The following ANXA4 variants were observed in gnomAD, a reference collection of about 807,000 sequenced individuals.
ANXA4 encodes the protein annexin A4.
Under a neutral mutation model 49.8 loss-of-function variants are expected in ANXA4, and 39 were observed. The observed-to-expected ratio is 0.78, with a 90% CI of 0.61 to 1.02. The LOEUF (loss-of-function observed/expected upper bound fraction) is 1.02. Among genes scored for constraint, ANXA4 ranks in the 50% least tolerant of loss-of-function variants. The pLI is 0.00. For missense variants in ANXA4, 360 were observed against 410.1 expected (o/e 0.88, Z 1.05); for synonymous variants, 134 against 152.5 (o/e 0.88, Z 0.89).
Position 69,757,256 on chromosome 2 carries a change from ATATATATATATTTTTTTT to A in ANXA4, c.-47+15083_-47+15100del, listed in dbSNP as rs1404046744. Among the ~76,000 whole-genome samples the A allele has an allele frequency of 3.7e-3, 184 of 50,030 alleles. 1 individual carries two copies. The highest frequency in any genetic ancestry group is 0.026 in the African/African-American group (178 of 6,846). The allele number at this position is 50,030 out of a possible 152,430, so 32.8% of individuals were successfully genotyped here. A position where few individuals can be genotyped will look rare whatever the true frequency, so the allele number is the denominator to read the frequency against. ...TTTTGTTTTATATATATATATATATATATATATATATTTTTTTTTTTTTTTTTTTTTTTAGGTGGAGTC... is the reference window on the plus strand; with the variant it reads ...TTTTGTTTTATATATATATATATATATTTTTTTTTTTTTTTAGGTGGAGTC... On this transcript the variant is annotated intron_variant, in intron 1 of 12. Transcript: ENST00000394295.
At chr2:69,669,093 C>T (rs184169719) in intron 2 of ANXA4, among the ~76,000 whole-genome samples, 248 of 151,628 alleles carry the variant, frequency 1.6e-3, no homozygotes, top group African/African-American at 5.7e-3. Context: ...TGTGCCACCA[C>T]GCCGGCTAAT....
chr2:69,809,745 T>C (rs1673613316), intron 6 of ANXA4: 1 of 152,310 alleles, frequency 6.6e-6, no homozygotes, highest in Non-Finnish European at 1.5e-5. Context: ...CCCAAAGTGT[T>C]AGGATTACAG....
intron 3 of ANXA4, among the ~76,000 whole-genome samples, chr2:69,801,284 C>G (rs749363326): frequency 6.6e-6 from 1 of 152,070 alleles, no homozygotes; most frequent in East Asian, 1.9e-4. Flanking sequence ...TCCTTATCTA[C>G]GTTTGTAGCT....
intron 2 of ANXA4, among the ~76,000 whole-genome samples, chr2:69,659,089 G>T (rs1378008982): frequency 2.0e-5 from 3 of 152,194 alleles, no homozygotes; most frequent in Non-Finnish European, 2.9e-5. Flanking sequence ...AGTCCTATTT[G>T]TGAAACAAAC....
At chr2:69,651,817 T>TG (rs1218915002) in intron 1 of ANXA4, among the ~76,000 whole-genome samples, 64 of 12,580 alleles carry the variant, frequency 5.1e-3, no homozygotes, top group African/African-American at 6.1e-3. Flanking sequence ...TTTTTTTTTT[T>TG]GGGGGGGGGG....
chr2:69,819,167 C>A, intron 10 of ANXA4, 113 bp from the exon 11 acceptor site: 2 of 734,510 alleles, frequency 2.7e-6, no homozygotes, highest in South Asian at 2.1e-5. Flanking sequence ...TAAAATTTCC[C>A]TGGCAAAGCA....
intron 1 of ANXA4, among the ~76,000 whole-genome samples, chr2:69,757,092 A>G (rs1274529013): frequency 1.4e-5 from 2 of 147,232 alleles, no homozygotes; most frequent in Non-Finnish European, 3.0e-5. Context: ...ATGCCCGGCT[A>G]ATTTTTTTGT....
At chr2:69,700,687 A>T (rs1312585980) in intron 2 of ANXA4, among the ~76,000 whole-genome samples, 2 of 152,210 alleles carry the variant, frequency 1.3e-5, no homozygotes, top group Admixed American at 6.5e-5. Context: ...ATCTCTACGG[A>T]GTAGCGTGCT....
intron 2 of ANXA4, among the ~76,000 whole-genome samples, chr2:69,715,304 G>A (rs6758994): frequency 0.2 from 30,516 of 152,030 alleles, 3,545 homozygotes; most frequent in East Asian, 0.37. Context: ...CCCCCTCCTG[G>A]GTTCAAGCGA....
intron 3 of ANXA4, among the ~76,000 whole-genome samples, chr2:69,731,254 A>T (rs573775953): frequency 6.6e-6 from 1 of 152,196 alleles, no homozygotes; most frequent in Non-Finnish European, 1.5e-5. Flanking sequence ...ACTTCAGCAC[A>T]ACTGGCTCCC....
intron 1 of ANXA4, among the ~76,000 whole-genome samples, chr2:69,761,636 C>T (rs994689753): frequency 1.3e-5 from 2 of 151,966 alleles, no homozygotes; most frequent in African/African-American, 4.8e-5. Flanking sequence ...AATCTTAAAA[C>T]GTAGCTGGGT....
chr2:69,668,827 C>T (rs1398965448), intron 2 of ANXA4, among the ~76,000 whole-genome samples: 1 of 152,116 alleles, frequency 6.6e-6, no homozygotes, highest in Non-Finnish European at 1.5e-5. Flanking sequence ...ACCACATGTC[C>T]CACAAGATGG....
intron 2 of ANXA4, among the ~76,000 whole-genome samples, chr2:69,656,022 TCAGTGGGTAGGGAGCTAAGGGAGG>T (rs1676424227): frequency 1.3e-5 from 2 of 151,688 alleles, no homozygotes; most frequent in Non-Finnish European, 1.5e-5. Flanking sequence ...CTGGGGCCTG[TCAGTGGGTAGGGAGCTAAGGGAGG>T]GATAGCGTTA....
At chr2:69,716,652 A>T (rs1445045621) in intron 2 of ANXA4, among the ~76,000 whole-genome samples, 1 of 152,108 alleles carries the variant, frequency 6.6e-6, no homozygotes, top group African/African-American at 2.4e-5. Flanking sequence ...CGGGTCTGAG[A>T]GACAGCACAA....
exon 1 of ANXA4, chr2:69,644,806 A>T (rs1675937873): frequency 6.6e-6 from 1 of 152,060 alleles, no homozygotes; most frequent in African/African-American, 2.4e-5. Flanking sequence ...TCACTTCAAG[A>T]TTCTTCCATT....
chr2:69,691,971 C>A (rs61587115), intron 2 of ANXA4, among the ~76,000 whole-genome samples: 4,501 of 152,198 alleles, frequency 0.03, 226 homozygotes, highest in African/African-American at 0.1. Flanking sequence ...CTACAACCTC[C>A]GCCTCCCGGG....
At chr2:69,670,383 T>G (rs572092633) in intron 2 of ANXA4, among the ~76,000 whole-genome samples, 17 of 140,376 alleles carry the variant, frequency 1.2e-4, no homozygotes, top group African/African-American at 4.3e-4. Flanking sequence ...GAGGTTGCAG[T>G]GAGCTGAGAT....
intron 3 of ANXA4, among the ~76,000 whole-genome samples, chr2:69,789,071 A>G (rs1440232934): frequency 2.6e-5 from 4 of 152,186 alleles, no homozygotes; most frequent in African/African-American, 4.8e-5. Context: ...ATGAATCTGC[A>G]TATTAAATTT....
At chr2:69,757,266 ATTTTTTTTTTTT>A (rs1177266386) in intron 1 of ANXA4, among the ~76,000 whole-genome samples, 22 of 27,648 alleles carry the variant, frequency 8.0e-4, no homozygotes, top group African/African-American at 2.1e-3. Context: ...ATATATATAT[ATTTTTTTTTTTT>A]TTTTTTTTTT....
Sources: gnomAD v4.1 joint callset for allele counts (sites outside exome capture counted in the v4.1 genomes callset) on GRCh38, gnomAD v4.1.1 for gene constraint, MANE v1.5 for transcripts, NCBI Gene and HGNC (gene_info 2026-07-23, HGNC 2026-07-21) for gene names.